Variants in KIF1C observed in about 807,000 individuals in gnomAD.
KIF1C encodes kinesin-like protein KIF1C.
In KIF1C, 61 loss-of-function variants were observed where a neutral mutation model predicts 126.5. The ratio of observed to expected loss-of-function variants is 0.48; its 90% CI spans 0.39 to 0.60. KIF1C has a LOEUF of 0.60. Ranked by LOEUF, KIF1C falls within the 20% of genes least tolerant of loss-of-function variation. The probability of loss-of-function intolerance (pLI) is 0.00; values close to 1 mark genes in which losing one functional copy is unlikely to be tolerated. For synonymous variants in KIF1C, 640 were observed against 580.6 expected (o/e 1.10, Z -1.47); for missense variants, 1,315 against 1,489.2 (o/e 0.88, Z 1.93).
Position 5,020,766 on chromosome 17 carries a change from C to T in KIF1C, c.1938-40C>T, listed in dbSNP as rs1346151748. On this transcript the variant is annotated intron_variant, in intron 20 of 22. Coordinates refer to ENST00000320785, the MANE Select transcript of KIF1C (RefSeq NM_006612.6). This position sits in a 1 kb window ranked among gnomAD's most constrained non-coding sequence, Gnocchi z 5.8. ...CCGTGTCCTCCTCTTGTCAGATACT[C>T]ACCAAGGTTGCTCTTCCTTCCCTCC... is the stretch of plus-strand genomic sequence containing the variant. The T allele has an allele frequency of 6.3e-7, 1 of 1,599,420 alleles. No homozygotes were observed. The highest frequency in any genetic ancestry group is 1.8e-5 in the Admixed American group (1 of 56,584).
chr17:5,002,851 G>GGGC lies in KIF1C; in HGVS notation c.720+9_720+10insGGC. On this transcript the variant is annotated intron_variant, in intron 8 of 22. Coordinates refer to ENST00000320785, the MANE Select transcript of KIF1C (RefSeq NM_006612.6). ...GGCTGGACTCGGAGAAGGTGGGATCGCCCCCCCCCCCACTCCCCCACCGGA... is the reference window on the plus strand; with the variant it reads ...GGCTGGACTCGGAGAAGGTGGGATCGGGCCCCCCCCCCCCACTCCCCCACCGGA... 2.1e-6 allele frequency: 3 copies of GGGC among 1,421,822 alleles called. No homozygotes were observed. The highest frequency in any genetic ancestry group is 2.4e-5 in the East Asian group (1 of 40,884). 88.1% of individuals were successfully genotyped at this position (1,421,822 alleles called of 1,614,324 possible). A position where few individuals can be genotyped will look rare whatever the true frequency, so the allele number is the denominator to read the frequency against.
At chr17:5,011,307 A>G (rs1299535676) in intron 16 of KIF1C, among the ~76,000 whole-genome samples, 3 of 152,130 alleles carry the variant, frequency 2.0e-5, no homozygotes, top group Non-Finnish European at 2.9e-5. Context: ...TCCTCTTGCT[A>G]AGACCCCCAC....
intron 21 of KIF1C, among the ~76,000 whole-genome samples, chr17:5,021,411 G>C (rs2143384652): frequency 6.6e-6 from 1 of 151,952 alleles, no homozygotes; most frequent in East Asian, 1.9e-4. Context: ...CCTGACCTCA[G>C]GTGATCCGCC....
rs982235066 is a variant in KIF1C, at chr17:5,000,370, G to T, written c.106+18G>T. ...CACCACCTGTGAGTGAGTCCCCGGG[G>T]CCTGGCTGGGCACAGGCAGGGAAGG... On this transcript the variant is annotated intron_variant, in intron 3 of 22. Coordinates refer to ENST00000320785, the MANE Select transcript of KIF1C (RefSeq NM_006612.6). 6.6e-7 allele frequency: 1 copy of T among 1,517,092 alleles called. No homozygotes were observed. The highest frequency in any genetic ancestry group is 9.0e-7 in the Non-Finnish European group (1 of 1,114,708). 94.0% of individuals were successfully genotyped at this position (1,517,092 alleles called of 1,614,324 possible). A position where few individuals can be genotyped will look rare whatever the true frequency, so the allele number is the denominator to read the frequency against.
intron 15 of KIF1C, 42 bp downstream of exon 15, chr17:5,007,384 C>T: frequency 1.2e-6 from 2 of 1,610,188 alleles, no homozygotes; most frequent in Non-Finnish European, 1.7e-6. Flanking sequence ...GAGTTGGAGG[C>T]CATGGGGGAG....
chr17:5,007,648 G>C, intron 16 of KIF1C, 106 bp downstream of exon 16: 4 of 846,890 alleles, frequency 4.7e-6, no homozygotes, highest in Non-Finnish European at 7.1e-6. Context: ...TCCCTTTGAG[G>C]TCCCCGGCTT....
At chr17:5,001,170 G>A (rs893390354) in intron 4 of KIF1C, 52 bp from the exon 5 acceptor site, 3 of 1,572,208 alleles carry the variant, frequency 1.9e-6, no homozygotes, top group East Asian at 2.2e-5. Context: ...AGACACAAAG[G>A]ATAAAGACAT....
At position 5,014,777 on chromosome 17, in the gene KIF1C, G is replaced by A. The variant is rs759883791; in HGVS notation, c.1606G>A (p.Gly536Arg). ...GQVDMDIKLTGQFIREQHCLF... is the reference protein window; with the variant it reads ...GQVDMDIKLTRQFIREQHCLF... ...AGTAGATATGGACATCAAGCTGACC[G>A]GACAGTTCATTCGGGAGCAACACTG... The change falls in exon 18 of 23, where the codon GGA (glycine) becomes AGA (arginine). Residue 536 changes from glycine to arginine, a missense_variant. Gly to Arg is a moderately radical substitution (Grantham distance 125). Around this residue, in one of 2 missense-constraint regions of KIF1C, gnomAD observed 874 missense variants for 1,053.2 expected, o/e 0.83. Coordinates refer to ENST00000320785, the MANE Select transcript of KIF1C (RefSeq NM_006612.6). 2.8e-5 allele frequency: 45 copies of A among 1,601,170 alleles called. 1 individual carries two copies. The South Asian group carries it at 4.5e-4, about 16-fold the overall frequency.
chr17:5,000,698 C>CT, intron 3 of KIF1C, 74 bp from the exon 4 acceptor site: 1 of 1,324,238 alleles, frequency 7.6e-7, no homozygotes, highest in Non-Finnish European at 1.1e-6. Context: ...ATTCCAGGGG[C>CT]TGGTTGGGGT....
rs58961639 is a variant in KIF1C, at chr17:5,015,582, C to CTTTTT, written c.1666+767_1666+771dup. On this transcript the variant is annotated intron_variant, in intron 18 of 22. Transcript: ENST00000320785. ...TACAGGCGTGAGCCACTGCCCCCAG[C>CTTTTT]TTTTTTTTTTTTTTTTTTTTTTTTT... Among the ~76,000 whole-genome samples the CTTTTT allele has an allele frequency of 2.7e-4, 19 of 71,246 alleles. 1 individual carries two copies. The highest frequency in any genetic ancestry group is 1.4e-3 in the East Asian group (3 of 2,182). 46.7% of individuals were successfully genotyped at this position (71,246 alleles called of 152,430 possible). A position where few individuals can be genotyped will look rare whatever the true frequency, so the allele number is the denominator to read the frequency against.
intron 18 of KIF1C, among the ~76,000 whole-genome samples, chr17:5,015,475 G>A (rs1324245169): frequency 1.5e-4 from 23 of 150,886 alleles, no homozygotes; most frequent in African/African-American, 4.9e-4. Context: ...TAGAGACGGG[G>A]TTTCTCCCAT....
At position 5,001,326 on chromosome 17, in the gene KIF1C, T is replaced by C. The variant is rs1974585852; in HGVS notation, c.288T>C (p.Tyr96=). The C allele has an allele frequency of 6.2e-7, 1 of 1,614,136 alleles. No homozygotes were observed. The highest frequency in any genetic ancestry group is 8.5e-7 in the Non-Finnish European group (1 of 1,179,972). The change falls in exon 5 of 23, where the codon TAT becomes TAC. Residue 96 remains tyrosine (Y), a synonymous_variant. Coordinates refer to ENST00000320785, the MANE Select transcript of KIF1C (RefSeq NM_006612.6). ...FEGYNVCIFA[Y]GQTGAGKSYT... is the part of the protein sequence containing the mutation. ...GCTACAACGTGTGCATCTTTGCCTA[T>C]GGGCAGACCGGGGCTGGGAAATCCT...
intron 13 of KIF1C, among the ~76,000 whole-genome samples, chr17:5,005,607 C>T (rs548614887): frequency 7.2e-5 from 11 of 152,182 alleles, no homozygotes; most frequent in African/African-American, 2.2e-4. Flanking sequence ...GTTTGCCTTC[C>T]AACATTTGAG....
rs1320196641 is a variant in KIF1C, at chr17:5,014,820, C to G, written c.1649C>G (p.Pro550Arg). ...REQHCLFRSIPQPDGEVVVTL... is the reference protein window; with the variant it reads ...REQHCLFRSIRQPDGEVVVTL... ...CAACACTGTCTGTTCCGGAGCATCC[C>G]CCAGCCAGATGGAGAAGGTAATGGC... The change falls in exon 18 of 23, where the codon CCC becomes CGC. Residue 550 changes from proline to arginine, a missense_variant. Around this residue, in one of 2 missense-constraint regions of KIF1C, gnomAD observed 874 missense variants for 1,053.2 expected, o/e 0.83. Transcript: ENST00000320785. 6 of 1,595,800 alleles carry G rather than the reference C, an allele frequency of 3.8e-6. No homozygotes were observed. Among genetic ancestry groups the G allele is most frequent in the Non-Finnish European group, 5.1e-6 (6 of 1,171,596 alleles).
At chr17:5,002,890 G>C (rs757380369) in intron 8 of KIF1C, 48 bp downstream of exon 8, 1 of 1,433,184 alleles carries the variant, frequency 7.0e-7, no homozygotes, top group South Asian at 1.2e-5. Context: ...AACCTCCCCT[G>C]GCAACAGGGA....
intron 14 of KIF1C, 67 bp downstream of exon 14, chr17:5,007,151 A>C: frequency 6.4e-7 from 1 of 1,573,898 alleles, no homozygotes; most frequent in Non-Finnish European, 8.6e-7. Flanking sequence ...CTCCAAAGTC[A>C]AGCTTGAGAA....
chr17:5,006,875 T>C, intron 13 of KIF1C, 40 bp from the exon 14 acceptor site: 2 of 1,607,316 alleles, frequency 1.2e-6, no homozygotes, highest in Admixed American at 1.7e-5. Flanking sequence ...CAGCTCCTTC[T>C]TTCCTTAGCC....
At chr17:5,011,942 C>G (rs1974875845) in intron 16 of KIF1C, 1 of 152,280 alleles carries the variant, frequency 6.6e-6, no homozygotes, top group African/African-American at 2.4e-5. Context: ...CTCCTGATCC[C>G]CTTGAAATCC....
rs1975077600 is a variant in KIF1C at position 5,020,959 on chromosome 17, A to T, written c.2010+81A>T. On this transcript the variant is annotated intron_variant, in intron 21 of 22. Transcript: ENST00000320785. The surrounding 1 kb of genome is among the most constrained non-coding windows in gnomAD (Gnocchi z 5.8). Reference sequence around the variant, plus strand: ...AGTCCGAGTGCAGTGCTCACCGCTGAGCCAGAGTGGGAAATGGGCATGGGG... The same window carrying T: ...AGTCCGAGTGCAGTGCTCACCGCTGTGCCAGAGTGGGAAATGGGCATGGGG... The T allele has an allele frequency of 7.8e-7, 1 of 1,286,116 alleles. No individual in the cohort carries two copies. Among genetic ancestry groups the T allele is most frequent in the African/African-American group, 1.5e-5 (1 of 67,792 alleles). 79.7% of individuals were successfully genotyped at this position (1,286,116 alleles called of 1,614,324 possible).
Sources: allele counts gnomAD v4.1 joint callset (sites outside exome capture counted in the v4.1 genomes callset), GRCh38; gene constraint gnomAD v4.1.1; regional missense constraint gnomAD v4.1.1; non-coding constraint Gnocchi (gnomAD v3.1); transcripts MANE v1.5; gene names NCBI Gene and HGNC (gene_info 2026-07-23, HGNC 2026-07-21).